STRBP: variants seen among roughly 807,000 people sequenced by gnomAD.
STRBP encodes the protein spermatid perinuclear RNA binding protein, also known as spermatid perinuclear RNA-binding protein.
In STRBP, 13 loss-of-function variants were observed where a neutral mutation model predicts 80.1. That is an observed-to-expected ratio of 0.16 (90% CI 0.11 to 0.26). The LOEUF (loss-of-function observed/expected upper bound fraction) is 0.26, where lower values mean the gene tolerates loss of function less well. Among genes scored for constraint, STRBP ranks in the 10% least tolerant of loss-of-function variants. STRBP has a pLI of 1.00. For missense variants in STRBP, 485 were observed against 815.2 expected, an observed-to-expected ratio of 0.59 and a Z score of 4.93; for synonymous variants, 284 against 291.2, an observed-to-expected ratio of 0.98 and a Z score of 0.25.
In STRBP at chr9:123,159,207, G is replaced by A; in HGVS notation, c.724C>T (p.Pro242Ser). The A allele has an allele frequency of 6.2e-7, 1 of 1,602,864 alleles. No individual in the cohort carries two copies. Among genetic ancestry groups the A allele is most frequent in the Non-Finnish European group, 8.5e-7 (1 of 1,170,468 alleles). The change falls in exon 9 of 19, where the codon CCA becomes TCA. Residue 242 changes from proline (P) to serine (S), a missense_variant and splice_region_variant. Coordinates refer to ENST00000348403, the MANE Select transcript of STRBP (RefSeq NM_018387.5). ...GACTTTTCACATATAAGTTCTAGTG[G>A]CTAGAAGATATTAAATTACAAATTA... is the stretch of plus-strand genomic sequence containing the variant. Reference protein sequence around the residue: ...VPTWAPLKGWPLELICEKSIG... With the variant: ...VPTWAPLKGWSLELICEKSIG...
chr9:123,146,062 A>G (rs779183926), intron 13 of STRBP, among the ~76,000 whole-genome samples: 1 of 151,870 alleles, frequency 6.6e-6, no homozygotes, highest in Non-Finnish European at 1.5e-5. Context: ...CTAATAATAC[A>G]TACAAAATGA....
chr9:123,156,861 C>T (rs920930844), intron 11 of STRBP, among the ~76,000 whole-genome samples: 1 of 151,810 alleles, frequency 6.6e-6, no homozygotes, highest in Non-Finnish European at 1.5e-5. Context: ...GGCTGCATTC[C>T]AGGTGAAGAA....
In STRBP at chr9:123,179,112, C is replaced by T. The variant is rs146454482; in HGVS notation, c.119G>A (p.Cys40Tyr). Residue 40 changes from cysteine to tyrosine, a missense_variant, in exon 4 of 19, where the codon TGT becomes TAT. Transcript: ENST00000348403. ...AVQNMVSTVE[C>Y]ALKHVSDWLD... is the part of the protein sequence containing the mutation. ...CCAATCTGAGACATGTTTAAGAGCA[C>T]ATTCAACAGTAGATACCATATTCTG... 1.2e-4 allele frequency: 196 copies of T among 1,614,016 alleles called. No individual in the cohort carries two copies. Among genetic ancestry groups the T allele is most frequent in the Non-Finnish European group, 1.5e-4 (182 of 1,180,016 alleles).
Position 123,164,162 on chromosome 9 carries a change from T to G in STRBP, c.536-3094A>C, listed in dbSNP as rs1053521480. Among the ~76,000 whole-genome samples the G allele has an allele frequency of 8.1e-4, 124 of 152,178 alleles. 8 individuals carry two copies. The highest frequency in any genetic ancestry group is 4.4e-5 in the Non-Finnish European group (3 of 68,020). On this transcript the variant is annotated intron_variant, in intron 6 of 18. Coordinates refer to ENST00000348403, the MANE Select transcript of STRBP (RefSeq NM_018387.5). ...CCGGGCTCAAGCAATTCCCATGCCT[T>G]GGCCTCCCGAACAGCTGGGACTACA...
At chr9:123,118,060 G>T (rs77537823), downstream of STRBP, among the ~76,000 whole-genome samples, 140 of 152,258 alleles carry the variant, frequency 9.2e-4, no homozygotes, top group African/African-American at 3.2e-3. Flanking sequence ...CCATCCTGTC[G>T]GCCGCAGCCT....
intron 7 of STRBP, 124 bp downstream of exon 7, chr9:123,160,853 C>T (rs2037493597): frequency 2.8e-6 from 2 of 712,454 alleles, no homozygotes; most frequent in Non-Finnish European, 4.6e-6. Flanking sequence ...ACTCCAACAA[C>T]CACACTATGA....
At chr9:123,179,983 T>C (rs1032466706) in intron 3 of STRBP, among the ~76,000 whole-genome samples, 1 of 151,902 alleles carries the variant, frequency 6.6e-6, no homozygotes, top group African/African-American at 2.4e-5. Flanking sequence ...CTGGGCATGG[T>C]GGCTCATGCC....
intron 1 of STRBP, among the ~76,000 whole-genome samples, chr9:123,266,508 T>G (rs111313272): frequency 2.0e-5 from 3 of 152,044 alleles, no homozygotes; most frequent in African/African-American, 7.3e-5. Flanking sequence ...TTCCAACTTC[T>G]GCACTCTGCC....
rs547442258 is a variant in STRBP, at chr9:123,230,840, T to C, written c.-165+5990A>G. 3.9e-5 allele frequency among the ~76,000 whole-genome samples: 6 copies of C among 152,318 alleles called. No individual in the cohort carries two copies. The East Asian group carries it at 1.2e-3, about 29-fold the overall frequency. ...TTTTTTCAAGAACACATGTGCATCA[T>C]TATTTTAATGAAAAGCGTACACACT... On this transcript the variant is annotated intron_variant, in intron 2 of 18. Coordinates refer to ENST00000348403, the MANE Select transcript of STRBP (RefSeq NM_018387.5).
intron 1 of STRBP, among the ~76,000 whole-genome samples, chr9:123,262,352 T>G (rs534390250): frequency 5.3e-5 from 8 of 152,328 alleles, no homozygotes; most frequent in African/African-American, 1.4e-4. Flanking sequence ...AGCACTATAT[T>G]GGTTAAATTA....
At chr9:123,241,119 C>T (rs999623628) in intron 1 of STRBP, among the ~76,000 whole-genome samples, 21 of 148,954 alleles carry the variant, frequency 1.4e-4, no homozygotes, top group African/African-American at 4.5e-4. Flanking sequence ...GCGGAGGTTG[C>T]GGTGAGCCAA....
At chr9:123,120,716 T>C (rs2035720108), downstream of STRBP, among the ~76,000 whole-genome samples, 1 of 152,164 alleles carries the variant, frequency 6.6e-6, no homozygotes, top group Non-Finnish European at 1.5e-5. Flanking sequence ...TAAAAACTAC[T>C]TGGAAAGGAC....
intron 2 of STRBP, among the ~76,000 whole-genome samples, chr9:123,185,512 C>T (rs1259009617): frequency 1.3e-5 from 2 of 152,168 alleles, no homozygotes; most frequent in African/African-American, 4.8e-5. Flanking sequence ...TTCATGGGAT[C>T]CTTTTGGACA....
intron 1 of STRBP, among the ~76,000 whole-genome samples, chr9:123,238,865 AC>A (rs979125141): frequency 6.6e-6 from 1 of 151,812 alleles, no homozygotes; most frequent in Non-Finnish European, 1.5e-5. Context: ...AAAAAGAGAC[AC>A]CCCCCCACAA....
intron 16 of STRBP, among the ~76,000 whole-genome samples, chr9:123,135,220 G>T (rs1401339579): frequency 6.6e-6 from 1 of 152,076 alleles, no homozygotes; most frequent in Non-Finnish European, 1.5e-5. Context: ...AATGGACATA[G>T]CATACATAAT....
chr9:123,185,444 G>A (rs1284201484), intron 2 of STRBP, among the ~76,000 whole-genome samples: 1 of 151,968 alleles, frequency 6.6e-6, no homozygotes, highest in Non-Finnish European at 1.5e-5. Flanking sequence ...TCTAATAAAT[G>A]GGACTTACTT....
chr9:123,153,130 G>A (rs1038886456), intron 11 of STRBP, among the ~76,000 whole-genome samples: 4 of 152,056 alleles, frequency 2.6e-5, no homozygotes, highest in African/African-American at 9.7e-5. Flanking sequence ...AATAATCCAG[G>A]TGAGAGATGA....
intron 9 of STRBP, 135 bp downstream of exon 9, chr9:123,158,961 A>T: frequency 1.6e-6 from 1 of 637,368 alleles, no homozygotes; most frequent in Non-Finnish European, 2.7e-6. Context: ...CACGCATTCT[A>T]GTTGTCAAAA....
intron 2 of STRBP, among the ~76,000 whole-genome samples, chr9:123,205,053 G>T (rs2039467508): frequency 6.6e-6 from 1 of 152,048 alleles, no homozygotes; most frequent in Admixed American, 6.6e-5. Context: ...ATCACCCGAG[G>T]TCAGGAGTTC....
Sources: gnomAD v4.1 joint callset for allele counts (sites outside exome capture counted in the v4.1 genomes callset) on GRCh38, gnomAD v4.1.1 for gene constraint, MANE v1.5 for transcripts, NCBI Gene and HGNC (gene_info 2026-07-23, HGNC 2026-07-21) for gene names.